Variants in PIP5K1B observed in about 807,000 individuals in gnomAD.
The protein encoded by PIP5K1B is phosphatidylinositol 4-phosphate 5-kinase type-1 beta.
A neutral mutation model predicts 67.0 loss-of-function variants in PIP5K1B; 42 were observed. That is an observed-to-expected ratio of 0.63 (90% CI 0.49 to 0.81). The LOEUF (loss-of-function observed/expected upper bound fraction) is 0.81, where lower values mean the gene tolerates loss of function less well. Ranked by LOEUF, PIP5K1B falls within the 30% of genes least tolerant of loss-of-function variation. The probability of loss-of-function intolerance (pLI) is 0.00; values close to 1 mark genes in which losing one functional copy is unlikely to be tolerated. For missense variants in PIP5K1B, 459 were observed against 646.3 expected, an observed-to-expected ratio of 0.71 and a Z score of 3.14; for synonymous variants, 214 against 231.4, an observed-to-expected ratio of 0.92 and a Z score of 0.68.
intron 1 of PIP5K1B, among the ~76,000 whole-genome samples, chr9:68,711,263 T>C (rs967997911): frequency 1.3e-5 from 2 of 152,234 alleles, no homozygotes; most frequent in Admixed American, 6.5e-5. Context: ...ATATACACTT[T>C]TTTTCTTTCT....
intron 2 of PIP5K1B, among the ~76,000 whole-genome samples, chr9:68,799,986 A>G (rs1222750587): frequency 2.0e-5 from 3 of 152,244 alleles, no homozygotes; most frequent in Non-Finnish European, 4.4e-5. Context: ...ATACATCTGA[A>G]AAGGGGTTAA....
chr9:68,898,449 G>A (rs1209074288), intron 8 of PIP5K1B, among the ~76,000 whole-genome samples: 1 of 152,212 alleles, frequency 6.6e-6, no homozygotes, highest in Non-Finnish European at 1.5e-5. Context: ...GCCAAGGAAA[G>A]AGTGGTGACA....
intron 4 of PIP5K1B, among the ~76,000 whole-genome samples, chr9:68,842,460 G>A (rs945154763): frequency 1.3e-5 from 2 of 152,184 alleles, no homozygotes; most frequent in African/African-American, 4.8e-5. Context: ...GAGTATTAAA[G>A]CATTATTCTT....
chr9:68,932,588 A>G (rs1049827711), intron 12 of PIP5K1B, among the ~76,000 whole-genome samples: 1 of 152,186 alleles, frequency 6.6e-6, no homozygotes, highest in Non-Finnish European at 1.5e-5. Context: ...TTAATAGAAG[A>G]TAAGTTGGAG....
In PIP5K1B at chr9:68,919,351, A is replaced by G. The variant is rs957481390; in HGVS notation, c.984-128A>G. ...AGGAACAAACAAAAAAAAAAGATGA[A>G]TGGGAGATAGCCCAGAATTCTTAAA... On this transcript the variant is annotated intron_variant, in intron 9 of 15. Coordinates refer to ENST00000265382, the MANE Select transcript of PIP5K1B (RefSeq NM_003558.4). 21 of 564,910 alleles carry G rather than the reference A, an allele frequency of 3.7e-5. 1 individual carries two copies. In the South Asian group the frequency reaches 5.1e-4, roughly 14 times the overall value. The allele number at this position is 564,910 out of a possible 1,614,324, so 35.0% of individuals were successfully genotyped here.
chr9:68,828,288 C>T (rs113227425), intron 4 of PIP5K1B, among the ~76,000 whole-genome samples: 31 of 152,308 alleles, frequency 2.0e-4, no homozygotes, highest in Admixed American at 7.2e-4. Context: ...CGCAGGCTGC[C>T]GTGGGGTCAG....
In PIP5K1B at chr9:68,926,340, T is replaced by G. The variant is rs1368270706; in HGVS notation, c.1201+2954T>G. Among the ~76,000 whole-genome samples the G allele has an allele frequency of 3.9e-5, 6 of 152,254 alleles. No individual in the cohort carries two copies. The South Asian group carries it at 1.2e-3, about 32-fold the overall frequency. ...CATAAAATATGGCATGTGTCGCAGA[T>G]TTTTCCGGTTTGGATAATTTTTCAG... is the stretch of plus-strand genomic sequence containing the variant. On this transcript the variant is annotated intron_variant, in intron 12 of 15. Transcript: ENST00000265382.
chr9:68,925,565 G>T (rs145700926), intron 12 of PIP5K1B, among the ~76,000 whole-genome samples: 22 of 151,756 alleles, frequency 1.4e-4, no homozygotes, highest in Non-Finnish European at 2.9e-4. Context: ...TTATTTTTCC[G>T]AATTATTAAT....
intron 4 of PIP5K1B, among the ~76,000 whole-genome samples, chr9:68,841,312 C>T (rs1445988926): frequency 2.0e-5 from 3 of 152,220 alleles, no homozygotes; most frequent in Admixed American, 1.3e-4. Context: ...TTTGAACTCA[C>T]TGCTGGAGAC....
intron 2 of PIP5K1B, among the ~76,000 whole-genome samples, chr9:68,804,576 T>G (rs1309790908): frequency 6.7e-6 from 1 of 148,458 alleles, no homozygotes; most frequent in Non-Finnish European, 1.5e-5. Context: ...TATTTTATTC[T>G]TCTAGTTTTC....
At chr9:68,956,484 A>T (rs1587717850) in intron 14 of PIP5K1B, among the ~76,000 whole-genome samples, 1 of 152,178 alleles carries the variant, frequency 6.6e-6, no homozygotes, top group South Asian at 2.1e-4. Flanking sequence ...AAAAAGAAAG[A>T]AAAATTTCTA....
At chr9:68,731,880 A>G (rs978049254) in intron 1 of PIP5K1B, among the ~76,000 whole-genome samples, 5 of 152,218 alleles carry the variant, frequency 3.3e-5, no homozygotes, top group African/African-American at 1.2e-4. Context: ...ACTTTTGAAA[A>G]CTGCCTATTG....
chr9:68,914,004 G>A (rs1040905151), intron 8 of PIP5K1B, among the ~76,000 whole-genome samples: 4 of 151,836 alleles, frequency 2.6e-5, no homozygotes, highest in Non-Finnish European at 1.5e-5. Flanking sequence ...TTCATGGGCC[G>A]GGAAAAAAGA....
chr9:68,955,353 C>G (rs1828330761), intron 14 of PIP5K1B, among the ~76,000 whole-genome samples: 2 of 152,226 alleles, frequency 1.3e-5, no homozygotes, highest in African/African-American at 4.8e-5. Context: ...ATTAGTACAT[C>G]TGACTTTTCA....
chr9:68,790,543 A>G (rs2132495051), intron 2 of PIP5K1B, among the ~76,000 whole-genome samples: 1 of 152,344 alleles, frequency 6.6e-6, no homozygotes, highest in East Asian at 1.9e-4. Flanking sequence ...GGTTAAGCAG[A>G]TAATGTCAAA....
intron 15 of PIP5K1B, among the ~76,000 whole-genome samples, chr9:69,000,368 G>T (rs74399647): frequency 2.6e-5 from 4 of 152,040 alleles, no homozygotes; most frequent in East Asian, 3.9e-4. Context: ...AATATGTGGG[G>T]TTTTTTTAAA....
At chr9:69,003,318 A>T (rs528979386) in intron 15 of PIP5K1B, among the ~76,000 whole-genome samples, 4 of 152,276 alleles carry the variant, frequency 2.6e-5, no homozygotes, top group Admixed American at 6.5e-5. Flanking sequence ...GACTAAGCCT[A>T]CGATGGCCGA....
At chr9:68,865,584 A>G (rs1018233964) in intron 5 of PIP5K1B, among the ~76,000 whole-genome samples, 3 of 152,162 alleles carry the variant, frequency 2.0e-5, no homozygotes, top group African/African-American at 7.2e-5. Context: ...TGGGGGTATA[A>G]AGACGTTCCA....
At chr9:68,995,115 G>A (rs888143159) in intron 15 of PIP5K1B, among the ~76,000 whole-genome samples, 13 of 151,206 alleles carry the variant, frequency 8.6e-5, no homozygotes, top group Non-Finnish European at 1.6e-4. Context: ...CTGCACCCCA[G>A]CCTAGGCAAT....
Sources: allele counts gnomAD v4.1 joint callset (sites outside exome capture counted in the v4.1 genomes callset), GRCh38; gene constraint gnomAD v4.1.1; transcripts MANE v1.5; gene names NCBI Gene and HGNC (gene_info 2026-07-23, HGNC 2026-07-21).